Variants in GABRG3 observed in about 807,000 individuals in gnomAD.
The protein encoded by GABRG3 is gamma-aminobutyric acid type A receptor subunit gamma3, also known as gamma-aminobutyric acid receptor subunit gamma-3.
GABRG3 carries 25 observed loss-of-function variants against 48.8 expected under a neutral mutation model. That is an observed-to-expected ratio of 0.51 (90% confidence interval 0.37 to 0.72). The LOEUF is 0.72. Among genes scored for constraint, GABRG3 ranks in the 30% least tolerant of loss-of-function variants. GABRG3 has a pLI of 0.00. For missense variants in GABRG3, 394 were observed against 577.9 expected (o/e 0.68, Z 3.26); for synonymous variants, 227 against 217.6 (o/e 1.04, Z -0.38).
At chr15:27,528,347 A>G (rs1891332899) in intron 9 of GABRG3, among the ~76,000 whole-genome samples, 1 of 152,182 alleles carries the variant, frequency 6.6e-6, no homozygotes. Flanking sequence ...ACTTATATGT[A>G]CTTAAGTTTT....
In GABRG3 at chr15:27,536,441, A is replaced by G. The variant is rs1371654619; in HGVS notation, c.*3560A>G. ...TTTTCCATTTCCTGCAGTTAGCTAT[A>G]TTTCATGCCAAGTTTTATTTATCTT... On this transcript the variant is annotated 3_prime_UTR_variant, in exon 10 of 10. Coordinates refer to ENST00000615808, the MANE Select transcript of GABRG3 (RefSeq NM_033223.5). 1 of 152,198 alleles carries G rather than the reference A, an allele frequency of 6.6e-6. No homozygotes were observed. Among genetic ancestry groups the G allele is most frequent in the South Asian group, 2.1e-4 (1 of 4,838 alleles). The allele number at this position is 152,198 out of a possible 1,614,324, so 9.4% of individuals were successfully genotyped here.
chr15:27,064,533 G>A (rs2140726935), intron 3 of GABRG3, among the ~76,000 whole-genome samples: 1 of 152,240 alleles, frequency 6.6e-6, no homozygotes, highest in Admixed American at 6.5e-5. Flanking sequence ...AGGGGTTAGG[G>A]CTGAGGTGGG....
At chr15:27,265,446 T>G (rs145055372) in intron 3 of GABRG3, among the ~76,000 whole-genome samples, 183 of 152,352 alleles carry the variant, frequency 1.2e-3, no homozygotes, top group Non-Finnish European at 2.0e-3. Context: ...TACTCATTTT[T>G]CCTTAAAACT....
rs375550109 is a variant in GABRG3, at chr15:27,308,523, CAT to C, written c.271-18285_271-18284del. Among the ~76,000 whole-genome samples the C allele has an allele frequency of 1.3e-4, 19 of 146,892 alleles. No homozygotes were observed. The South Asian group carries it at 4.2e-3, about 33-fold the overall frequency. On this transcript the variant is annotated intron_variant, in intron 3 of 9. Coordinates refer to ENST00000615808, the MANE Select transcript of GABRG3 (RefSeq NM_033223.5). ...TTTATATAAACATAATGTAAACATA[CAT>C]GTTTATATAAACATATATAATGTAA...
chr15:27,356,283 G>T (rs1894837349), intron 5 of GABRG3, among the ~76,000 whole-genome samples: 1 of 152,040 alleles, frequency 6.6e-6, no homozygotes, highest in African/African-American at 2.4e-5. Context: ...GGGGAGAGAG[G>T]TCTTCATGTG....
chr15:26,991,894 G>A (rs1243817234), intron 2 of GABRG3, among the ~76,000 whole-genome samples: 2 of 151,876 alleles, frequency 1.3e-5, no homozygotes, highest in Admixed American at 1.3e-4. Context: ...CTAATTTTTT[G>A]TATTTTTAGT....
chr15:27,034,324 G>A (rs1049809797), intron 3 of GABRG3, among the ~76,000 whole-genome samples: 3 of 152,116 alleles, frequency 2.0e-5, no homozygotes, highest in African/African-American at 7.2e-5. Flanking sequence ...CTCATTTTAT[G>A]TTGGGGCAAA....
At chr15:27,501,159 A>G (rs113252093) in intron 6 of GABRG3, among the ~76,000 whole-genome samples, 9,784 of 152,002 alleles carry the variant, frequency 0.064, 317 homozygotes, top group Non-Finnish European at 0.072. Context: ...CACCGTGTTA[A>G]CCAGGATGGT....
In GABRG3 at chr15:27,221,933, T is replaced by C. The variant is rs574000530; in HGVS notation, c.271-104876T>C. 2.8e-4 allele frequency among the ~76,000 whole-genome samples: 42 copies of C among 152,354 alleles called. No individual in the cohort carries two copies. In the South Asian group the frequency reaches 8.7e-3, roughly 32 times the overall value. Reference sequence around the variant, plus strand: ...GATTGTCCCCAAATGGGCTACATGATTGAAATCCATTTAGTTTGAGGATAG... The same window carrying C: ...GATTGTCCCCAAATGGGCTACATGACTGAAATCCATTTAGTTTGAGGATAG... On this transcript the variant is annotated intron_variant, in intron 3 of 9. Transcript: ENST00000615808.
chr15:26,983,331 C>G (rs1895089621), intron 2 of GABRG3, among the ~76,000 whole-genome samples: 1 of 152,104 alleles, frequency 6.6e-6, no homozygotes. Flanking sequence ...CTGGTACACC[C>G]TGGGAGCCCC....
chr15:27,247,253 A>G (rs1474264519), intron 3 of GABRG3, among the ~76,000 whole-genome samples: 1 of 151,724 alleles, frequency 6.6e-6, no homozygotes, highest in African/African-American at 2.4e-5. Context: ...TCATCTTTAA[A>G]ACCCCCTCAT....
chr15:27,232,087 A>G (rs537628705), intron 3 of GABRG3, among the ~76,000 whole-genome samples: 7 of 152,344 alleles, frequency 4.6e-5, no homozygotes, highest in Admixed American at 1.3e-4. Flanking sequence ...ATACTTTTTT[A>G]ATATATGAAA....
At chr15:27,282,741 T>C (rs758676392) in intron 3 of GABRG3, among the ~76,000 whole-genome samples, 6 of 152,206 alleles carry the variant, frequency 3.9e-5, no homozygotes, top group Admixed American at 2.0e-4. Context: ...TGATTATGTT[T>C]TTCCATTCAA....
intron 3 of GABRG3, among the ~76,000 whole-genome samples, chr15:27,106,943 T>C (rs1465980073): frequency 6.6e-6 from 1 of 152,054 alleles, no homozygotes; most frequent in Non-Finnish European, 1.5e-5. Context: ...GCCAAGGAAA[T>C]ATCCTGGCCT....
chr15:27,530,761 C>T (rs983226203), intron 9 of GABRG3: 39 of 469,994 alleles, frequency 8.3e-5, no homozygotes, highest in Non-Finnish European at 1.5e-4. Flanking sequence ...GGCCAGACTT[C>T]TCCTCTGTGT....
intron 5 of GABRG3, among the ~76,000 whole-genome samples, chr15:27,424,756 G>A (rs2140616220): frequency 6.6e-6 from 1 of 152,194 alleles, no homozygotes; most frequent in African/African-American, 2.4e-5. Flanking sequence ...GTTTCACCAT[G>A]TTGGCCAGGC....
chr15:27,383,849 A>T (rs917455557), intron 5 of GABRG3, among the ~76,000 whole-genome samples: 1 of 152,234 alleles, frequency 6.6e-6, no homozygotes, highest in African/African-American at 2.4e-5. Context: ...ACTTGTATAT[A>T]ATAAAACAAA....
intron 3 of GABRG3, among the ~76,000 whole-genome samples, chr15:27,070,686 C>T (rs573057087): frequency 1.3e-5 from 2 of 152,216 alleles, no homozygotes; most frequent in South Asian, 2.1e-4. Flanking sequence ...TTCTTCTTGG[C>T]CCTGAGCAAG....
intron 3 of GABRG3, among the ~76,000 whole-genome samples, chr15:27,242,534 G>T (rs1350571988): frequency 1.3e-5 from 2 of 152,148 alleles, no homozygotes; most frequent in Non-Finnish European, 2.9e-5. Flanking sequence ...TAAAAAATGA[G>T]CTTGACATCT....
Sources: gnomAD v4.1 joint callset for allele counts (sites outside exome capture counted in the v4.1 genomes callset) on GRCh38, gnomAD v4.1.1 for gene constraint, MANE v1.5 for transcripts, NCBI Gene and HGNC (gene_info 2026-07-23, HGNC 2026-07-21) for gene names.